Variants in PELI1 observed in about 807,000 individuals in gnomAD.
PELI1 encodes the protein pellino E3 ubiquitin protein ligase 1, also known as E3 ubiquitin-protein ligase pellino homolog 1.
PELI1 carries 15 observed loss-of-function variants against 41.3 expected under a neutral mutation model. That is an observed-to-expected ratio of 0.36 (90% CI 0.24 to 0.56). The LOEUF is 0.56. PELI1 is among the 20% of genes least tolerant of loss of function. The pLI is 0.82. For synonymous variants in PELI1, 178 were observed against 180.1 expected, an observed-to-expected ratio of 0.99 and a Z score of 0.09; for missense variants, 403 against 525.5, an observed-to-expected ratio of 0.77 and a Z score of 2.28.
intron 1 of PELI1, among the ~76,000 whole-genome samples, chr2:64,127,925 A>G (rs1681441063): frequency 6.6e-6 from 1 of 152,176 alleles, no homozygotes; most frequent in African/African-American, 2.4e-5. Context: ...CAACCATCTC[A>G]GATAAAAACA....
At chr2:64,136,084 T>C (rs1203964520) in intron 1 of PELI1, among the ~76,000 whole-genome samples, 1 of 152,242 alleles carries the variant, frequency 6.6e-6, no homozygotes, top group Non-Finnish European at 1.5e-5. Context: ...AACAGATTCA[T>C]GATCTTACCA....
At chr2:64,122,363 TC>T (rs1220141135) in intron 1 of PELI1, among the ~76,000 whole-genome samples, 1 of 136,060 alleles carries the variant, frequency 7.3e-6, no homozygotes, top group Non-Finnish European at 1.6e-5. Flanking sequence ...AAAAAAAAAC[TC>T]CAGAAAAAAA....
intron 1 of PELI1, among the ~76,000 whole-genome samples, chr2:64,110,928 A>AAAATATAT (rs1553356099): frequency 2.7e-5 from 4 of 149,296 alleles, no homozygotes; most frequent in Non-Finnish European, 4.5e-5. Flanking sequence ...TCCATTTCAA[A>AAAATATAT]ATATATATAT....
chr2:64,108,792 A>T (rs1203910918), intron 1 of PELI1, among the ~76,000 whole-genome samples: 2 of 152,214 alleles, frequency 1.3e-5, no homozygotes, highest in African/African-American at 4.8e-5. Context: ...ACTTGGAGCT[A>T]AAGAAGGCAG....
At chr2:64,128,360 A>G (rs1361901484) in intron 1 of PELI1, among the ~76,000 whole-genome samples, 1 of 151,834 alleles carries the variant, frequency 6.6e-6, no homozygotes, top group East Asian at 1.9e-4. Context: ...ATTTTCAATC[A>G]TGTAATAATA....
At chr2:64,118,793 T>C (rs950449130) in intron 1 of PELI1, among the ~76,000 whole-genome samples, 2 of 152,198 alleles carry the variant, frequency 1.3e-5, no homozygotes. Context: ...AAGGTCCAGA[T>C]CTCTTTCTTG....
rs1429511623 is a variant in PELI1, at chr2:64,132,901, T to C, written c.-70+11180A>G. On this transcript the variant is annotated intron_variant, in intron 1 of 6. Transcript: ENST00000358912. ...ATACTTACTGAATTAGCATATGCAT[T>C]ATAATATGATCCTTAGGTAATTTGT... Among the ~76,000 whole-genome samples the C allele has an allele frequency of 3.3e-5, 5 of 152,272 alleles. No individual in the cohort carries two copies. The East Asian group carries it at 9.7e-4, about 29-fold the overall frequency.
intron 2 of PELI1, among the ~76,000 whole-genome samples, chr2:64,107,554 C>A (rs1016050308): frequency 1.3e-5 from 2 of 151,964 alleles, no homozygotes; most frequent in African/African-American, 4.8e-5. Context: ...GACTAACCTA[C>A]ATGAAATGAC....
chr2:64,093,403 T>G lies in PELI1; in HGVS notation c.*1299A>C, dbSNP rs1680116694. 1 of 152,626 alleles carries G rather than the reference T, an allele frequency of 6.6e-6. No individual in the cohort carries two copies. Among genetic ancestry groups the G allele is most frequent in the African/African-American group, 2.4e-5 (1 of 41,460 alleles). The allele number at this position is 152,626 out of a possible 1,614,324, so 9.5% of individuals were successfully genotyped here. On this transcript the variant is annotated 3_prime_UTR_variant, in exon 7 of 7. Transcript: ENST00000358912. ...TTTCTACAAGTGTCAAAAAAAGATT[T>G]GATGTAGTGCAACTGTCTATACTTG...
At position 64,096,166 on chromosome 2, in the gene PELI1, T is replaced by C; in HGVS notation, c.649A>G (p.Ser217Gly). 6.2e-7 allele frequency: 1 copy of C among 1,614,158 alleles called. No homozygotes were observed. The highest frequency in any genetic ancestry group is 8.5e-7 in the Non-Finnish European group (1 of 1,179,990). Residue 217 changes from serine to glycine, a missense_variant, in exon 6 of 7, where the codon AGC becomes GGC. Coordinates refer to ENST00000358912, the MANE Select transcript of PELI1 (RefSeq NM_020651.4). ...TGAGCCGATCTGGTTTCACGTAGGC[T>C]AAATACATTTCCACACACCGATATT... The part of the protein sequence containing the change: ...REISVCGNVF[S>G]LRETRSAQQR...
At chr2:64,100,149 T>C (rs1458717735) in intron 4 of PELI1, among the ~76,000 whole-genome samples, 1 of 152,220 alleles carries the variant, frequency 6.6e-6, no homozygotes, top group Non-Finnish European at 1.5e-5. Flanking sequence ...GAGAGTCTAT[T>C]ATCTGCACTT....
Position 64,104,758 on chromosome 2 carries a change from C to T in PELI1, c.144G>A (p.Lys48=). ...KSRFALFKRP[K]ANGVKPSTVH... ...CAGTGCTGGGCTTCACCCCATTTGC[C>T]TTAGGTCTTTTAAACAAAGCAAACC... The change falls in exon 3 of 7, where the codon AAG becomes AAA. Residue 48 remains lysine, a synonymous_variant. Transcript: ENST00000358912. 6.2e-7 allele frequency: 1 copy of T among 1,612,322 alleles called. No individual in the cohort carries two copies. The highest frequency in any genetic ancestry group is 1.3e-5 in the African/African-American group (1 of 74,240).
Position 64,094,686 on chromosome 2 carries a change from G to A in PELI1, c.*16C>T, listed in dbSNP as rs780861292. On this transcript the variant is annotated 3_prime_UTR_variant, in exon 7 of 7. Coordinates refer to ENST00000358912, the MANE Select transcript of PELI1 (RefSeq NM_020651.4). The stretch of plus-strand genomic sequence containing the variant: ...GCTTATAAATTTATAATGTAGTCCT[G>A]CAAGACAATGGTCTGTTAGTCTAGA... 6.3e-7 allele frequency: 1 copy of A among 1,587,292 alleles called. No homozygotes were observed. The highest frequency in any genetic ancestry group is 8.6e-7 in the Non-Finnish European group (1 of 1,156,980).
At position 64,143,177 on chromosome 2, in the gene PELI1, C is replaced by T. The variant is rs79947872; in HGVS notation, c.-70+904G>A. The T allele has an allele frequency of 1.1e-3, 166 of 152,292 alleles. No individual in the cohort carries two copies. In the Middle Eastern group the frequency reaches 0.017, roughly 15 times the overall value. The allele number at this position is 152,292 out of a possible 1,614,324, so 9.4% of individuals were successfully genotyped here. A position where few individuals can be genotyped will look rare whatever the true frequency, so the allele number is the denominator to read the frequency against. On this transcript the variant is annotated intron_variant, in intron 1 of 6. Transcript: ENST00000358912. ...CTTGCCTCTAACAGACCTGCACGTA[C>T]AAAAATAAAAGTAGATGGTGACGTG...
chr2:64,143,998 G>C (rs1457679389), intron 1 of PELI1, 83 bp downstream of exon 1: 1 of 151,372 alleles, frequency 6.6e-6, no homozygotes, highest in Non-Finnish European at 1.5e-5. Context: ...GGAAGCCGCC[G>C]AGGAAGTTGC....
At chr2:64,134,972 T>A (rs1439860959) in intron 1 of PELI1, among the ~76,000 whole-genome samples, 1 of 152,162 alleles carries the variant, frequency 6.6e-6, no homozygotes, top group East Asian at 1.9e-4. Flanking sequence ...TTCATTCTTG[T>A]GGAAGGAAGA....
Position 64,108,286 on chromosome 2 carries a change from G to T in PELI1, c.25C>A (p.His9Asn). 1 of 1,606,308 alleles carries T rather than the reference G, an allele frequency of 6.2e-7. No individual in the cohort carries two copies. Among genetic ancestry groups the T allele is most frequent in the Non-Finnish European group, 8.5e-7 (1 of 1,173,012 alleles). MFSPDQEN[H>N]PSKAPVKYGE... is the part of the protein sequence containing the mutation. ...TATTTTACTGGTGCTTTAGATGGAT[G>T]ATTTTCTTGATCAGGAGAAAACATG... The change falls in exon 2 of 7, where the codon CAT becomes AAT. Residue 9 changes from histidine (H) to asparagine (N), a missense_variant. By Grantham distance (68) the His-to-Asn change is moderately conservative. Coordinates refer to ENST00000358912, the MANE Select transcript of PELI1 (RefSeq NM_020651.4).
intron 1 of PELI1, among the ~76,000 whole-genome samples, chr2:64,121,906 CAAAA>C (rs75975996): frequency 1.3e-5 from 1 of 74,138 alleles, no homozygotes; most frequent in Non-Finnish European, 2.8e-5. Context: ...ACTCCGTCTT[CAAAA>C]AAAAAAAAAA....
intron 4 of PELI1, among the ~76,000 whole-genome samples, chr2:64,099,632 T>A (rs1235303755): frequency 1.3e-5 from 2 of 152,176 alleles, no homozygotes; most frequent in African/African-American, 2.4e-5. Flanking sequence ...TTTATTTGCC[T>A]TGTAAAATAA....
Sources: gnomAD v4.1 joint callset for allele counts (sites outside exome capture counted in the v4.1 genomes callset) on GRCh38, gnomAD v4.1.1 for gene constraint, MANE v1.5 for transcripts, NCBI Gene and HGNC (gene_info 2026-07-23, HGNC 2026-07-21) for gene names.